The following NLRC3 variants were observed in gnomAD, a reference collection of about 807,000 sequenced individuals.
The protein encoded by NLRC3 is NLR family CARD domain containing 3, also known as NLR family CARD domain-containing protein 3.
Under a neutral mutation model 91.6 loss-of-function variants are expected in NLRC3, and 87 were observed. The observed-to-expected ratio is 0.95, with a 90% CI of 0.80 to 1.14. NLRC3 has a LOEUF of 1.14. NLRC3 is among the 50% of genes most tolerant of loss of function. The probability of loss-of-function intolerance (pLI) is 0.00; values close to 1 mark genes in which losing one functional copy is unlikely to be tolerated. For synonymous variants in NLRC3, 694 were observed against 625.3 expected, an observed-to-expected ratio of 1.11 and a Z score of -1.64; for missense variants, 1,577 against 1,418.6, an observed-to-expected ratio of 1.11 and a Z score of -1.79.
chr16:3,572,219 A>T (rs909024957), intron 1 of NLRC3, among the ~76,000 whole-genome samples: 1 of 152,188 alleles, frequency 6.6e-6, no homozygotes, highest in Non-Finnish European at 1.5e-5. Context: ...AAGCAAAAGA[A>T]TAAACTATCA....
At chr16:3,546,675 A>G (rs2038708396) in intron 15 of NLRC3, among the ~76,000 whole-genome samples, 1 of 152,160 alleles carries the variant, frequency 6.6e-6, no homozygotes, top group South Asian at 2.1e-4. Context: ...TTTTCAGGAG[A>G]GAGAATGCAG....
rs1236836998 is a variant in NLRC3 at position 3,563,425 on chromosome 16, C to G, written c.1512G>C (p.Gln504His). ...HFRSAAQRAM[Q>H]AEDGRLDVFL... ...ACACGTCCAGCCTCCCGTCCTCTGC[C>G]TGCATGGCCCGCTGGGCTGCGCTCC... Residue 504 changes from glutamine (Q) to histidine (H), a missense_variant, in exon 5 of 20, where the codon CAG (glutamine) becomes CAC (histidine). Gln to His is a conservative substitution (Grantham distance 24, BLOSUM62 0). Transcript: ENST00000359128. 1 of 1,575,458 alleles carries G rather than the reference C, an allele frequency of 6.3e-7. No homozygotes were observed. Among genetic ancestry groups the G allele is most frequent in the South Asian group, 1.2e-5 (1 of 86,204 alleles).
chr16:3,562,987 TG>T, intron 5 of NLRC3, 21 bp downstream of exon 5: 3 of 1,545,454 alleles, frequency 1.9e-6, no homozygotes, highest in Non-Finnish European at 2.6e-6. Flanking sequence ...CCCCAGCCCC[TG>T]CCCCCTGCCC....
At chr16:3,576,872 G>A (rs979365118) in intron 1 of NLRC3, among the ~76,000 whole-genome samples, 7 of 152,156 alleles carry the variant, frequency 4.6e-5, no homozygotes, top group African/African-American at 1.7e-4. Context: ...GTTTCACCAT[G>A]TTGGCCAGGC....
At chr16:3,574,328 T>C (rs1390645357) in intron 1 of NLRC3, among the ~76,000 whole-genome samples, 1 of 152,082 alleles carries the variant, frequency 6.6e-6, no homozygotes, top group Admixed American at 6.6e-5. Flanking sequence ...ACGCTCGGCC[T>C]GACCACCCAG....
At chr16:3,568,620 A>C (rs112800362) in intron 1 of NLRC3, among the ~76,000 whole-genome samples, 11 of 152,278 alleles carry the variant, frequency 7.2e-5, no homozygotes, top group African/African-American at 2.4e-4. Flanking sequence ...CCAGCTACTC[A>C]GTAGGCTGAG....
intron 18 of NLRC3, 67 bp from the exon 19 acceptor site, chr16:3,542,341 A>C (rs2038449448): frequency 1.0e-6 from 1 of 975,746 alleles, no homozygotes; most frequent in Admixed American, 2.0e-5. Context: ...CCGGGGAAGC[A>C]ACAGTGCATT....
chr16:3,557,601 G>C lies in NLRC3; in HGVS notation c.2091C>G (p.Thr697=), dbSNP rs895919733. 6.2e-7 allele frequency: 1 copy of C among 1,610,952 alleles called. No homozygotes were observed. The highest frequency in any genetic ancestry group is 1.3e-5 in the African/African-American group (1 of 74,860). ...ARSLLVNRSL[T]SLDLRGNSIG... is the part of the protein sequence containing the mutation. Reference sequence around the variant, plus strand: ...TGGTTGTCCTTACTTACTCCAGAGAGGTCAGACTTCTGTTGACCAAGAGGG... The same window carrying C: ...TGGTTGTCCTTACTTACTCCAGAGACGTCAGACTTCTGTTGACCAAGAGGG... Residue 697 remains threonine (T), a synonymous_variant, in exon 7 of 20, where the codon ACC becomes ACG. Transcript: ENST00000359128.
chr16:3,551,538 T>C (rs2039000671), intron 10 of NLRC3, among the ~76,000 whole-genome samples: 1 of 149,784 alleles, frequency 6.7e-6, no homozygotes, highest in African/African-American at 2.5e-5. Context: ...TATTCAACCA[T>C]CCATCCATCC....
At chr16:3,569,618 G>C (rs2151106112) in intron 1 of NLRC3, among the ~76,000 whole-genome samples, 1 of 151,724 alleles carries the variant, frequency 6.6e-6, no homozygotes, top group South Asian at 2.1e-4. Flanking sequence ...GACTGGTCTT[G>C]AACTCCTGAC....
chr16:3,549,318 A>G, intron 12 of NLRC3, 93 bp from the exon 13 acceptor site: 2 of 908,158 alleles, frequency 2.2e-6, no homozygotes, highest in South Asian at 2.9e-5. Context: ...GAAGCCCAAG[A>G]AACTGCAGGC....
intron 17 of NLRC3, 156 bp from the exon 18 acceptor site, chr16:3,542,931 G>A (rs1430066312): frequency 8.4e-6 from 5 of 597,690 alleles, no homozygotes; most frequent in African/African-American, 1.9e-5. Flanking sequence ...AGGGCAACAG[G>A]GCAGAGCTGG....
chr16:3,565,422 G>A, intron 2 of NLRC3, 42 bp from the exon 3 acceptor site: 2 of 406,144 alleles, frequency 4.9e-6, no homozygotes, highest in Non-Finnish European at 4.8e-6. Flanking sequence ...TGCTCAAAAG[G>A]AGGGAGGAAT....
rs2151101136 is a variant in NLRC3, at chr16:3,564,566, A to G, written c.371T>C (p.Leu124Pro). Residue 124 changes from leucine (L) to proline (P), a missense_variant, in exon 5 of 20, where the codon CTG (leucine) becomes CCG (proline). By Grantham distance (98) the Leu-to-Pro change is moderately conservative (BLOSUM62 -3). Coordinates refer to ENST00000359128, the MANE Select transcript of NLRC3 (RefSeq NM_178844.4). This position sits in a 1 kb window ranked among gnomAD's most constrained non-coding sequence, Gnocchi z 5.9. ...GGGHPARTVALDRLFLPLSRV... is the reference protein window; with the variant it reads ...GGGHPARTVAPDRLFLPLSRV... ...GGAGAGAGGCAGGAAGAGCCGGTCC[A>G]GGGCGACGGTCCTGGCGGGGTGCCC... 1 of 1,611,888 alleles carries G rather than the reference A, an allele frequency of 6.2e-7. No individual in the cohort carries two copies. Among genetic ancestry groups the G allele is most frequent in the Non-Finnish European group, 8.5e-7 (1 of 1,179,634 alleles).
At chr16:3,561,665 C>A in intron 6 of NLRC3, 37 bp downstream of exon 6, 1 of 1,430,600 alleles carries the variant, frequency 7.0e-7, no homozygotes, top group Non-Finnish European at 9.9e-7. Flanking sequence ...CCCCACAAGA[C>A]CATAGGCACC....
chr16:3,542,882 A>G, intron 17 of NLRC3, 107 bp from the exon 18 acceptor site: 1 of 709,180 alleles, frequency 1.4e-6, no homozygotes, highest in Non-Finnish European at 2.5e-6. Flanking sequence ...CAAGGACTTC[A>G]GCAGTCACAG....
chr16:3,556,438 G>C (rs1212136420), intron 8 of NLRC3, among the ~76,000 whole-genome samples: 2 of 150,292 alleles, frequency 1.3e-5, no homozygotes, highest in Non-Finnish European at 2.9e-5. Flanking sequence ...CTGGACCCTG[G>C]AAACTTGCGT....
chr16:3,564,002 A>G lies in NLRC3; in HGVS notation c.935T>C (p.Met312Thr), dbSNP rs901861161. The change falls in exon 5 of 20, where the codon ATG becomes ACG. Residue 312 changes from methionine to threonine, a missense_variant. By Grantham distance (81) the Met-to-Thr change is moderately conservative (BLOSUM62 -1). Transcript: ENST00000359128. This position sits in a 1 kb window ranked among gnomAD's most constrained non-coding sequence, Gnocchi z 5.9. ...FPEDQALLGW[M>T]LSQVQADRAL... is the part of the protein sequence containing the mutation. ...CCTGTCAGCCTGCACTTGGCTCAGC[A>G]TCCAGCCCAGAAGGGCCTGGTCCTC... The G allele has an allele frequency of 1.9e-6, 3 of 1,608,444 alleles. No individual in the cohort carries two copies. Among genetic ancestry groups the G allele is most frequent in the Non-Finnish European group, 2.5e-6 (3 of 1,179,606 alleles).
chr16:3,568,000 G>T (rs909550150), intron 1 of NLRC3, among the ~76,000 whole-genome samples: 4 of 151,542 alleles, frequency 2.6e-5, no homozygotes, highest in Admixed American at 2.0e-4. Flanking sequence ...CAAGTATCTG[G>T]GATTACAGGC....
Sources: allele counts gnomAD v4.1 joint callset (sites outside exome capture counted in the v4.1 genomes callset), GRCh38; gene constraint gnomAD v4.1.1; non-coding constraint Gnocchi (gnomAD v3.1); transcripts MANE v1.5; gene names NCBI Gene and HGNC (gene_info 2026-07-23, HGNC 2026-07-21).